The following SNRNP35 variants were observed in gnomAD, a reference collection of about 807,000 sequenced individuals.
SNRNP35 encodes the protein U11/U12 small nuclear ribonucleoprotein 35 kDa protein.
In SNRNP35, 16 loss-of-function variants were observed where a neutral mutation model predicts 24.3. The observed-to-expected ratio is 0.66, with a 90% CI of 0.45 to 1.00. The LOEUF (loss-of-function observed/expected upper bound fraction) is 1.00, where lower values mean the gene tolerates loss of function less well. SNRNP35 is among the 50% of genes least tolerant of loss of function. SNRNP35 has a pLI of 0.00. For missense variants in SNRNP35, 292 were observed against 327.2 expected, an observed-to-expected ratio of 0.89 and a Z score of 0.83; for synonymous variants, 106 against 124.8, an observed-to-expected ratio of 0.85 and a Z score of 1.00.
In SNRNP35 at chr12:123,466,748, C is replaced by T. The variant is rs1168584041; in HGVS notation, c.*467C>T. 1 of 152,700 alleles carries T rather than the reference C, an allele frequency of 6.5e-6. No homozygotes were observed. The highest frequency in any genetic ancestry group is 1.5e-5 in the Non-Finnish European group (1 of 68,510). The allele number at this position is 152,700 out of a possible 1,614,324, so 9.5% of individuals were successfully genotyped here. On this transcript the variant is annotated 3_prime_UTR_variant, in exon 2 of 2. Transcript: ENST00000526639. The stretch of plus-strand genomic sequence containing the variant: ...ATTTTTAGTGGAGATGGGGTTTCAC[C>T]ATGTTGGTCAGGCTGTTTTCGAACT...
At chr12:123,459,911 A>G in intron 1 of SNRNP35, 1 of 1,524,644 alleles carries the variant, frequency 6.6e-7, no homozygotes, top group Non-Finnish European at 9.1e-7. Context: ...GTTAGTATCT[A>G]TAGAAGCATG....
chr12:123,462,043 T>G (rs143874230), intron 1 of SNRNP35, among the ~76,000 whole-genome samples: 193 of 152,186 alleles, frequency 1.3e-3, no homozygotes, highest in African/African-American at 4.1e-3. Context: ...TTGATCAGAG[T>G]TGGTTCAGTT....
chr12:123,472,501 C>CG (rs1566108650), exon 2 of SNRNP35: 1 of 1,548,008 alleles, frequency 6.5e-7, no homozygotes, highest in Admixed American at 2.0e-5. Context: ...GCGCTGGTGG[C>CG]GGGCAGTCCA....
rs1377140123 is a variant in SNRNP35 at position 123,466,064 on chromosome 12, T to C, written c.524T>C (p.Leu175Pro). The change falls in exon 2 of 2, where the codon CTC becomes CCC. Residue 175 changes from leucine to proline, a missense_variant. Coordinates refer to ENST00000526639, the MANE Select transcript of SNRNP35 (RefSeq NM_022717.4). ...AACTTGCCAGTTGTTAAAAACGACC[T>C]CTATAGAGAGGGAAAACGGGAAAGG... is the stretch of plus-strand genomic sequence containing the variant. ...PINLPVVKND[L>P]YREGKRERRE... The C allele has an allele frequency of 6.2e-7, 1 of 1,613,828 alleles. No homozygotes were observed. Among genetic ancestry groups the C allele is most frequent in the East Asian group, 2.2e-5 (1 of 44,858 alleles).
chr12:123,460,152 G>A (rs957044066), intron 1 of SNRNP35, among the ~76,000 whole-genome samples: 1 of 152,128 alleles, frequency 6.6e-6, no homozygotes, highest in Non-Finnish European at 1.5e-5. Flanking sequence ...TTTTAACGTT[G>A]AATGGGGAGG....
At chr12:123,462,232 G>A (rs780541760) in intron 1 of SNRNP35, among the ~76,000 whole-genome samples, 8 of 152,146 alleles carry the variant, frequency 5.3e-5, no homozygotes, top group Non-Finnish European at 8.8e-5. Context: ...TAGAATTTCC[G>A]CAAGTGGATA....
At chr12:123,472,866 G>A (rs957249070) in exon 2 of SNRNP35, 14 of 618,836 alleles carry the variant, frequency 2.3e-5, no homozygotes, top group Admixed American at 5.7e-5. Context: ...TATTCTGCGT[G>A]TCATTTGGAC....
At chr12:123,467,202 C>T (rs1331602475), downstream of SNRNP35, among the ~76,000 whole-genome samples, 1 of 152,156 alleles carries the variant, frequency 6.6e-6, no homozygotes, top group African/African-American at 2.4e-5. Context: ...GTCCAGAGCC[C>T]TAATACCAGA....
In SNRNP35 at chr12:123,465,934, CT is replaced by C; in HGVS notation, c.395del (p.Leu132ProfsTer22). The C allele has an allele frequency of 2.5e-6, 4 of 1,613,882 alleles. No homozygotes were observed. Among genetic ancestry groups the C allele is most frequent in the Non-Finnish European group, 3.4e-6 (4 of 1,180,002 alleles). On this transcript the variant is annotated frameshift_variant, in exon 2 of 2. Transcript: ENST00000526639. LOFTEE classifies it high-confidence loss of function. The surrounding 1 kb of genome is among the most constrained non-coding windows in gnomAD (Gnocchi z 4.2). ...TGTGGACTACGAGCTGGAAAGGACTCTCAAAGGGTGGATCCCTCGGCGACTT... is the reference window on the plus strand; with the variant it reads ...TGTGGACTACGAGCTGGAAAGGACTCCAAAGGGTGGATCCCTCGGCGACTT... ...IFVDYELERT[L>X]KGWIPRRLGG...
chr12:123,461,627 C>T (rs942543479), intron 1 of SNRNP35, among the ~76,000 whole-genome samples: 3 of 152,030 alleles, frequency 2.0e-5, no homozygotes, highest in Non-Finnish European at 4.4e-5. Context: ...AGACATATTG[C>T]CCTCCTTTTA....
In SNRNP35 at chr12:123,465,462, T is replaced by C; in HGVS notation, c.-3-76T>C. On this transcript the variant is annotated intron_variant, in intron 1 of 1. Transcript: ENST00000526639. The surrounding 1 kb of genome is among the most constrained non-coding windows in gnomAD (Gnocchi z 4.2). The stretch of plus-strand genomic sequence containing the variant: ...GAAGAGGTGAATGATAGTATCCTTT[T>C]CATGGCATTGTTGTAAGGGTTGAAT... 6.8e-7 allele frequency: 1 copy of C among 1,469,642 alleles called. No individual in the cohort carries two copies. Among genetic ancestry groups the C allele is most frequent in the Non-Finnish European group, 9.1e-7 (1 of 1,101,374 alleles). The allele number at this position is 1,469,642 out of a possible 1,614,324, so 91.0% of individuals were successfully genotyped here. A position where few individuals can be genotyped will look rare whatever the true frequency, so the allele number is the denominator to read the frequency against.
chr12:123,460,651 A>G (rs555904342), intron 1 of SNRNP35, among the ~76,000 whole-genome samples: 1 of 149,602 alleles, frequency 6.7e-6, no homozygotes, highest in East Asian at 2.0e-4. Context: ...CATAGTGAGT[A>G]ATTCCAGGTA....
downstream of SNRNP35, chr12:123,470,911 T>C (rs1881160196): frequency 6.6e-6 from 1 of 152,158 alleles, no homozygotes; most frequent in South Asian, 2.1e-4. Flanking sequence ...GCTTCTATAC[T>C]CTTTGAGAAT....
At chr12:123,460,083 T>C (rs1880520114) in intron 1 of SNRNP35, among the ~76,000 whole-genome samples, 1 of 152,166 alleles carries the variant, frequency 6.6e-6, no homozygotes. Context: ...CCGCTCATCT[T>C]GGCCTCCTCA....
rs745650070 is a variant in SNRNP35 at position 123,472,713 on chromosome 12, G to A, written n.1720G>A. 5.1e-6 allele frequency: 8 copies of A among 1,583,144 alleles called. No homozygotes were observed. In the South Asian group the frequency reaches 9.3e-5, roughly 18 times the overall value. On this transcript the variant is annotated non_coding_transcript_exon_variant, in exon 2 of 2. Transcript: ENST00000527158. ...GAAGGGAAAGCAAACACAGAAATGAGAGCTGACCCTTTGCTGTGCAAGTCA... is the reference window on the plus strand; with the variant it reads ...GAAGGGAAAGCAAACACAGAAATGAAAGCTGACCCTTTGCTGTGCAAGTCA...
chr12:123,467,889 T>G (rs1881033333), downstream of SNRNP35, among the ~76,000 whole-genome samples: 1 of 152,192 alleles, frequency 6.6e-6, no homozygotes, highest in African/African-American at 2.4e-5. Context: ...ATTTACAAAG[T>G]GTTCCCTTAT....
chr12:123,463,373 T>C (rs1327962597), intron 1 of SNRNP35, among the ~76,000 whole-genome samples: 1 of 151,766 alleles, frequency 6.6e-6, no homozygotes, highest in African/African-American at 2.4e-5. Context: ...AGTTTTTTTT[T>C]TTTCTTTCTT....
chr12:123,470,946 C>T (rs1881161617), downstream of SNRNP35: 1 of 152,148 alleles, frequency 6.6e-6, no homozygotes, highest in South Asian at 2.1e-4. Flanking sequence ...CTAATGGGCA[C>T]TCAGGTTTGA....
rs1880895002 is a variant in SNRNP35 at position 123,465,494 on chromosome 12, C to G, written c.-3-44C>G. 6.6e-7 allele frequency: 1 copy of G among 1,514,198 alleles called. No homozygotes were observed. The highest frequency in any genetic ancestry group is 8.8e-7 in the Non-Finnish European group (1 of 1,131,808). The allele number at this position is 1,514,198 out of a possible 1,614,324, so 93.8% of individuals were successfully genotyped here. ...ATTGTTGTAAGGGTTGAATGAGTGG[C>G]TCAGAGTAGAGGCTCCATCCACGCT... On this transcript the variant is annotated intron_variant, in intron 1 of 1. Coordinates refer to ENST00000526639, the MANE Select transcript of SNRNP35 (RefSeq NM_022717.4). The surrounding 1 kb of genome is among the most constrained non-coding windows in gnomAD (Gnocchi z 4.2).
Sources: gnomAD v4.1 joint callset for allele counts (sites outside exome capture counted in the v4.1 genomes callset) on GRCh38, gnomAD v4.1.1 for gene constraint, Gnocchi (gnomAD v3.1) non-coding constraint, MANE v1.5 for transcripts, NCBI Gene and HGNC (gene_info 2026-07-23, HGNC 2026-07-21) for gene names.